Variants in UPK3A observed in about 807,000 individuals in gnomAD.
The protein encoded by UPK3A is uroplakin 3A.
Under a neutral mutation model 27.6 loss-of-function variants are expected in UPK3A, and 32 were observed. That is an observed-to-expected ratio of 1.16 (90% CI 0.87 to 1.55). UPK3A has a LOEUF of 1.55. Among genes scored for constraint, UPK3A ranks in the 40% most tolerant of loss-of-function variants. The pLI is 0.00. For missense variants in UPK3A, 370 were observed against 367.9 expected (o/e 1.01, Z -0.05); for synonymous variants, 171 against 163.9 (o/e 1.04, Z -0.33).
chr22:45,292,841 G>A (rs1034327798), intron 4 of UPK3A, among the ~76,000 whole-genome samples: 1 of 152,008 alleles, frequency 6.6e-6, no homozygotes, highest in African/African-American at 2.4e-5. Flanking sequence ...CTGGGAGTTT[G>A]AGGCTGCAGT....
At position 45,295,829 on chromosome 22, in the gene UPK3A, C is replaced by T. The variant is rs768788190; in HGVS notation, c.*110C>T. On this transcript the variant is annotated 3_prime_UTR_variant, in exon 6 of 6. Coordinates refer to ENST00000216211, the MANE Select transcript of UPK3A (RefSeq NM_006953.4). The stretch of plus-strand genomic sequence containing the variant: ...AGGGAAGGTGAAACAGGGCTTGTCC[C>T]TCCAACTGCAGGAAAACCCTTAATA... The T allele has an allele frequency of 4.0e-5, 53 of 1,321,242 alleles. No homozygotes were observed. The highest frequency in any genetic ancestry group is 5.5e-5 in the Non-Finnish European group (52 of 939,500). 81.8% of individuals were successfully genotyped at this position (1,321,242 alleles called of 1,614,324 possible).
intron 1 of UPK3A, among the ~76,000 whole-genome samples, chr22:45,285,681 G>C (rs1324661947): frequency 6.6e-6 from 1 of 152,196 alleles, no homozygotes; most frequent in Non-Finnish European, 1.5e-5. Context: ...CGATGGCATG[G>C]AGAGATGCTT....
At chr22:45,286,481 C>T (rs1282540339) in intron 2 of UPK3A, among the ~76,000 whole-genome samples, 1 of 152,122 alleles carries the variant, frequency 6.6e-6, no homozygotes, top group Non-Finnish European at 1.5e-5. Context: ...CAAGGTCCTT[C>T]CTGAGGCTTC....
chr22:45,285,616 C>G (rs1381596721), intron 1 of UPK3A, among the ~76,000 whole-genome samples: 2 of 85,488 alleles, frequency 2.3e-5, no homozygotes, highest in Non-Finnish European at 6.5e-5. Context: ...GGCAGTCAGA[C>G]TTGCATGTGG....
In UPK3A at chr22:45,289,147, A is replaced by G. The variant is rs199674897; in HGVS notation, c.571+4A>G. The G allele has an allele frequency of 3.1e-6, 5 of 1,613,636 alleles. No homozygotes were observed. Among genetic ancestry groups the G allele is most frequent in the East Asian group, 2.2e-5 (1 of 44,880 alleles). ...GACCCCATCCGCACCAACCAGCGTA[A>G]GTGGTGGGCAGTGGTGGTGGTGATG... is the stretch of plus-strand genomic sequence containing the variant. On this transcript the variant is annotated splice_donor_region_variant and intron_variant, in intron 4 of 5. Transcript: ENST00000216211.
chr22:45,295,194 G>A (rs976354027), intron 5 of UPK3A, among the ~76,000 whole-genome samples: 4 of 152,010 alleles, frequency 2.6e-5, no homozygotes, highest in African/African-American at 9.7e-5. Context: ...GGCCACGTGA[G>A]CTGCCGCCTC....
At chr22:45,295,462 G>T in intron 5 of UPK3A, 98 bp from the exon 6 acceptor site, 1 of 1,313,970 alleles carries the variant, frequency 7.6e-7, no homozygotes, top group Non-Finnish European at 1.1e-6. Context: ...GACGATATCT[G>T]TGAAAGCTAT....
intron 4 of UPK3A, among the ~76,000 whole-genome samples, chr22:45,290,707 C>T (rs564528362): frequency 1.1e-4 from 17 of 152,042 alleles, no homozygotes; most frequent in Non-Finnish European, 1.9e-4. Flanking sequence ...AACGGGACCG[C>T]GCAGCAGGAG....
intron 5 of UPK3A, among the ~76,000 whole-genome samples, chr22:45,295,189 C>A (rs1019069194): frequency 2.6e-5 from 4 of 151,986 alleles, no homozygotes; most frequent in Admixed American, 6.6e-5. Flanking sequence ...TTTAGGGCCA[C>A]GTGAGCTGCC....
intron 5 of UPK3A, among the ~76,000 whole-genome samples, chr22:45,293,920 G>A (rs976685819): frequency 2.6e-5 from 4 of 152,072 alleles, no homozygotes; most frequent in East Asian, 3.9e-4. Flanking sequence ...GATTTGTGTC[G>A]CCTTTGGATG....
intron 1 of UPK3A, among the ~76,000 whole-genome samples, chr22:45,285,343 C>T (rs1434827413): frequency 6.6e-6 from 1 of 152,072 alleles, no homozygotes; most frequent in African/African-American, 2.4e-5. Context: ...GACGCCTGGA[C>T]GGGGGCAGAT....
In UPK3A at chr22:45,295,684, A is replaced by C; in HGVS notation, c.829A>C (p.Arg277=). 6.2e-7 allele frequency: 1 copy of C among 1,613,956 alleles called. No homozygotes were observed. Among genetic ancestry groups the C allele is most frequent in the Non-Finnish European group, 8.5e-7 (1 of 1,179,998 alleles). The change falls in exon 6 of 6, where the codon AGG becomes CGG. Residue 277 remains arginine, a synonymous_variant. Coordinates refer to ENST00000216211, the MANE Select transcript of UPK3A (RefSeq NM_006953.4). ...TSVNRGPPLD[R]AEVYSSKLQD ...CGTGAACCGGGGGCCGCCACTGGAC[A>C]GGGCTGAGGTGTATTCCAGCAAGCT...
chr22:45,287,504 T>A, intron 3 of UPK3A, 53 bp downstream of exon 3: 1 of 1,551,904 alleles, frequency 6.4e-7, no homozygotes, highest in Non-Finnish European at 8.7e-7. Context: ...CCAGTCCTGA[T>A]GAGGGAGAGC....
chr22:45,291,469 G>A (rs1413417222), intron 4 of UPK3A, among the ~76,000 whole-genome samples: 1 of 148,268 alleles, frequency 6.7e-6, no homozygotes, highest in African/African-American at 2.5e-5. Context: ...GTGTGTGTGA[G>A]TTTGAGTTGT....
At position 45,287,413 on chromosome 22, in the gene UPK3A, C is replaced by T. The variant is rs147160242; in HGVS notation, c.450C>T (p.Gly150=). 3 of 1,609,782 alleles carry T rather than the reference C, an allele frequency of 1.9e-6. No individual in the cohort carries two copies. Among genetic ancestry groups the T allele is most frequent in the Non-Finnish European group, 1.7e-6 (2 of 1,178,142 alleles). The change falls in exon 3 of 6, where the codon GGC becomes GGT. Residue 150 remains glycine (G), a synonymous_variant. Transcript: ENST00000216211. ...GTCLWDPNFQ[G]LCNAPLSAAT... ...GCCTGTGGGATCCCAACTTCCAGGG[C>T]CTCTGTAACGCACCCCTGTCGGCAG...
rs2147793566 is a variant in UPK3A, at chr22:45,287,417, T to G, written c.454T>G (p.Cys152Gly). The change falls in exon 3 of 6, where the codon TGT becomes GGT. Residue 152 changes from cysteine to glycine, a missense_variant. Coordinates refer to ENST00000216211, the MANE Select transcript of UPK3A (RefSeq NM_006953.4). ...CLWDPNFQGL[C>G]NAPLSAATEY... ...GTGGGATCCCAACTTCCAGGGCCTC[T>G]GTAACGCACCCCTGTCGGCAGCCAC... 6.2e-7 allele frequency: 1 copy of G among 1,609,760 alleles called. No individual in the cohort carries two copies.
In UPK3A at chr22:45,285,021, C is replaced by G. The variant is rs747632129; in HGVS notation, c.8C>G (p.Pro3Arg). MP[P>R]LWALLALGCL... The stretch of plus-strand genomic sequence containing the variant: ...GGCGGCTCCTCCCGGGCGATGCCTC[C>G]GCTCTGGGCCCTGCTGGCCCTCGGC... Residue 3 changes from proline to arginine, a missense_variant, in exon 1 of 6, where the codon CCG (proline) becomes CGG (arginine). By Grantham distance (103) the Pro-to-Arg change is moderately radical. Transcript: ENST00000216211. 2 of 1,532,650 alleles carry G rather than the reference C, an allele frequency of 1.3e-6. No individual in the cohort carries two copies. Among genetic ancestry groups the G allele is most frequent in the South Asian group, 2.4e-5 (2 of 83,836 alleles). The allele number at this position is 1,532,650 out of a possible 1,614,324, so 94.9% of individuals were successfully genotyped here.
chr22:45,287,493 C>T (rs1241804624), intron 3 of UPK3A, 42 bp downstream of exon 3: 1 of 1,557,682 alleles, frequency 6.4e-7, no homozygotes, highest in Admixed American at 1.9e-5. Flanking sequence ...GCGGCAGTTC[C>T]CCAGTCCTGA....
chr22:45,289,097 G>T lies in UPK3A; in HGVS notation c.525G>T (p.Leu175Phe), dbSNP rs1328405446. Residue 175 changes from leucine to phenylalanine, a missense_variant, in exon 4 of 6, where the codon TTG (leucine) becomes TTT (phenylalanine). Leu to Phe is a conservative substitution (Grantham distance 22). Transcript: ENST00000216211. ...TCCTGGTCAATATGTCCACGGGCTTGGTAGAGGACCAGACCCTGTGGTCAG... is the reference window on the plus strand; with the variant it reads ...TCCTGGTCAATATGTCCACGGGCTTTGTAGAGGACCAGACCCTGTGGTCAG... ...KYVLVNMSTGLVEDQTLWSDP... is the reference protein window; with the variant it reads ...KYVLVNMSTGFVEDQTLWSDP... 1.2e-6 allele frequency: 2 copies of T among 1,614,028 alleles called. No homozygotes were observed. The highest frequency in any genetic ancestry group is 1.7e-6 in the Non-Finnish European group (2 of 1,180,018).
Sources: allele counts gnomAD v4.1 joint callset (sites outside exome capture counted in the v4.1 genomes callset), GRCh38; gene constraint gnomAD v4.1.1; transcripts MANE v1.5; gene names NCBI Gene and HGNC (gene_info 2026-07-23, HGNC 2026-07-21).